Variants in KIAA1549L observed in about 807,000 individuals in gnomAD.
The protein encoded by KIAA1549L is UPF0606 protein KIAA1549L.
KIAA1549L carries 88 observed loss-of-function variants against 160.7 expected under a neutral mutation model. The observed-to-expected ratio is 0.55, with a 90% CI of 0.46 to 0.65. The LOEUF (loss-of-function observed/expected upper bound fraction) is 0.65, where lower values mean the gene tolerates loss of function less well. Among genes scored for constraint, KIAA1549L ranks in the 30% least tolerant of loss-of-function variants. The probability of loss-of-function intolerance (pLI) is 0.00; values close to 1 mark genes in which losing one functional copy is unlikely to be tolerated. For synonymous variants in KIAA1549L, 950 were observed against 976.7 expected (o/e 0.97, Z 0.51); for missense variants, 2,258 against 2,437.5 (o/e 0.93, Z 1.55).
At chr11:33,458,727 A>G (rs1190257053) in intron 1 of KIAA1549L, among the ~76,000 whole-genome samples, 2 of 152,356 alleles carry the variant, frequency 1.3e-5, no homozygotes, top group Non-Finnish European at 1.5e-5. Flanking sequence ...GGAAAGGGCA[A>G]GTGGCCCCTA....
intron 1 of KIAA1549L, among the ~76,000 whole-genome samples, chr11:33,442,642 T>A (rs186638150): frequency 6.6e-6 from 1 of 152,358 alleles, no homozygotes; most frequent in East Asian, 1.9e-4. Context: ...TTTTAATGTC[T>A]AGATACTGAT....
intron 13 of KIAA1549L, among the ~76,000 whole-genome samples, chr11:33,604,999 T>C (rs1428995796): frequency 6.6e-6 from 1 of 152,162 alleles, no homozygotes; most frequent in Non-Finnish European, 1.5e-5. Flanking sequence ...TGACTGGGGC[T>C]TGCAGGATGG....
At chr11:33,466,681 C>G (rs977556798) in intron 1 of KIAA1549L, among the ~76,000 whole-genome samples, 1 of 152,026 alleles carries the variant, frequency 6.6e-6, no homozygotes, top group Non-Finnish European at 1.5e-5. Context: ...ATGCTTATTG[C>G]GACACTGTTC....
At chr11:33,575,547 G>A (rs1348741108) in intron 10 of KIAA1549L, among the ~76,000 whole-genome samples, 1 of 152,186 alleles carries the variant, frequency 6.6e-6, no homozygotes, top group Non-Finnish European at 1.5e-5. Context: ...CACAGGAAAG[G>A]AAACTGAGGC....
chr11:33,527,821 G>A (rs1259174949), intron 1 of KIAA1549L, among the ~76,000 whole-genome samples: 1 of 152,132 alleles, frequency 6.6e-6, no homozygotes, highest in Non-Finnish European at 1.5e-5. Context: ...AAAGAAGATG[G>A]TACATATTAC....
chr11:33,660,808 T>A (rs1431859574), intron 19 of KIAA1549L, 55 bp from the exon 20 acceptor site: 1 of 1,574,292 alleles, frequency 6.4e-7, no homozygotes, highest in East Asian at 2.2e-5. Flanking sequence ...CTTGGGTGGC[T>A]GGATCCCTCA....
chr11:33,407,317 C>T (rs1313886788), intron 1 of KIAA1549L, among the ~76,000 whole-genome samples: 2 of 151,440 alleles, frequency 1.3e-5, no homozygotes, highest in East Asian at 1.9e-4. Context: ...ATCTCCTGAC[C>T]TCGTGATCCG....
chr11:33,651,428 C>T (rs1462374402), intron 17 of KIAA1549L, among the ~76,000 whole-genome samples: 1 of 145,228 alleles, frequency 6.9e-6, no homozygotes, highest in Non-Finnish European at 1.5e-5. Flanking sequence ...AAGAGCAAGA[C>T]TCTGTCTCAA....
At position 33,568,121 on chromosome 11, in the gene KIAA1549L, G is replaced by A. The variant is rs1416671216; in HGVS notation, c.4124G>A (p.Ser1375Asn). Residue 1375 changes from serine to asparagine, a missense_variant, in exon 9 of 21, where the codon AGC becomes AAC. Around this residue, in one of 6 missense-constraint regions of KIAA1549L, gnomAD observed 1,359 missense variants for 1,546.6 expected, o/e 0.88. Transcript: ENST00000658780. Reference sequence around the variant, plus strand: ...TCGCTGGTGGGCCTGCACAACCAGAGCTTTGCCCGGGTCATGGAGCAGCGC... The same window carrying A: ...TCGCTGGTGGGCCTGCACAACCAGAACTTTGCCCGGGTCATGGAGCAGCGC... ...DNSLVGLHNQ[S>N]FARVMEQRLA... is the part of the protein sequence containing the mutation. The A allele has an allele frequency of 6.2e-7, 1 of 1,612,944 alleles. No homozygotes were observed. The highest frequency in any genetic ancestry group is 1.1e-5 in the South Asian group (1 of 90,750).
intron 1 of KIAA1549L, among the ~76,000 whole-genome samples, chr11:33,450,196 A>T (rs1375295073): frequency 6.6e-6 from 1 of 152,098 alleles, no homozygotes; most frequent in Non-Finnish European, 1.5e-5. Flanking sequence ...AAATCCCCTA[A>T]TACGCAGCCA....
chr11:33,447,896 C>G (rs889392392), intron 1 of KIAA1549L, among the ~76,000 whole-genome samples: 1 of 151,946 alleles, frequency 6.6e-6, no homozygotes, highest in African/African-American at 2.4e-5. Context: ...GAAGATGCTG[C>G]GAGAACTTGA....
intron 10 of KIAA1549L, among the ~76,000 whole-genome samples, chr11:33,582,177 A>C (rs1235512783): frequency 6.6e-6 from 1 of 152,232 alleles, no homozygotes; most frequent in African/African-American, 2.4e-5. Context: ...TAATAATGTG[A>C]TTAATCACCG....
chr11:33,401,336 G>A (rs1214398702), intron 1 of KIAA1549L, among the ~76,000 whole-genome samples: 1 of 147,702 alleles, frequency 6.8e-6, no homozygotes, highest in Admixed American at 6.8e-5. Context: ...ATTTGAAGGT[G>A]TTGGTCAGAA....
chr11:33,632,188 T>C (rs781232176), intron 16 of KIAA1549L, among the ~76,000 whole-genome samples: 3 of 152,236 alleles, frequency 2.0e-5, no homozygotes, highest in Non-Finnish European at 2.9e-5. Flanking sequence ...GGCCCCAGTC[T>C]GTTCCTCTGC....
chr11:33,553,191 A>T (rs933674678), intron 6 of KIAA1549L, among the ~76,000 whole-genome samples: 2 of 152,058 alleles, frequency 1.3e-5, no homozygotes, highest in South Asian at 2.1e-4. Flanking sequence ...GTAGAGATGG[A>T]GTCTCCATAT....
chr11:33,383,785 T>C (rs1319192113), intron 1 of KIAA1549L, among the ~76,000 whole-genome samples: 1 of 152,222 alleles, frequency 6.6e-6, no homozygotes, highest in Non-Finnish European at 1.5e-5. Context: ...TACTGCTTAG[T>C]GGCAGCCTGC....
intron 8 of KIAA1549L, among the ~76,000 whole-genome samples, chr11:33,562,656 C>T (rs1355831494): frequency 6.6e-6 from 1 of 151,114 alleles, no homozygotes; most frequent in Admixed American, 6.6e-5. Flanking sequence ...CCCAGTATGA[C>T]CTCATTTTAA....
chr11:33,632,189 G>C (rs1851313222), intron 16 of KIAA1549L, among the ~76,000 whole-genome samples: 1 of 152,224 alleles, frequency 6.6e-6, no homozygotes, highest in East Asian at 1.9e-4. Flanking sequence ...GCCCCAGTCT[G>C]TTCCTCTGCA....
At chr11:33,466,478 G>C (rs1489276240) in intron 1 of KIAA1549L, among the ~76,000 whole-genome samples, 1 of 152,226 alleles carries the variant, frequency 6.6e-6, no homozygotes, top group Non-Finnish European at 1.5e-5. Context: ...ACAGACGCTG[G>C]AGAGGATGTG....
Sources: gnomAD v4.1 joint callset for allele counts (sites outside exome capture counted in the v4.1 genomes callset) on GRCh38, gnomAD v4.1.1 for gene constraint, gnomAD v4.1.1 regional missense constraint, MANE v1.5 for transcripts, NCBI Gene and HGNC (gene_info 2026-07-23, HGNC 2026-07-21) for gene names.